Variants in LRWD1 observed in about 807,000 individuals in gnomAD.
LRWD1 encodes leucine-rich repeat and WD repeat-containing protein 1.
Under a neutral mutation model 75.6 loss-of-function variants are expected in LRWD1, and 76 were observed. The observed-to-expected ratio is 1.01, with a 90% confidence interval of 0.84 to 1.22. The LOEUF (loss-of-function observed/expected upper bound fraction) is 1.22, where lower values mean the gene tolerates loss of function less well. LRWD1 is among the 50% of genes most tolerant of loss of function. The pLI, the probability that LRWD1 is intolerant of heterozygous loss-of-function variation, is 0.00. For missense variants in LRWD1, 917 were observed against 862.0 expected (o/e 1.06, Z -0.80); for synonymous variants, 487 against 377.0 (o/e 1.29, Z -3.38).
In LRWD1 at chr7:102,467,746, GC is replaced by G. The variant is rs1193438251; in HGVS notation, c.603del (p.Ala202ProfsTer31). On this transcript the variant is annotated frameshift_variant, in exon 5 of 15. Transcript: ENST00000292616. LOFTEE classifies it high-confidence loss of function. ...GCGGATGATCTCTGAGGAGCTGGTG[GC>G]CGCCAGTAGGACCCAGGTGCAAAAG... is the stretch of plus-strand genomic sequence containing the variant. ...RVRMISEELV[A>X]ASRTQVQKAN... The G allele has an allele frequency of 6.4e-7, 1 of 1,551,768 alleles. No homozygotes were observed. Among genetic ancestry groups the G allele is most frequent in the Non-Finnish European group, 8.7e-7 (1 of 1,147,168 alleles).
At chr7:102,467,070 G>GGTGTGTGTGTGTGTGTGTGTGTGT (rs59522694) in intron 3 of LRWD1, among the ~76,000 whole-genome samples, 3 of 133,504 alleles carry the variant, frequency 2.2e-5, no homozygotes, top group African/African-American at 8.6e-5. Flanking sequence ...GGTTGTTGCT[G>GGTGTGTGTGTGTGTGTGTGTGTGT]GTGTGTGTGT....
chr7:102,469,530 G>C, intron 9 of LRWD1, 44 bp from the exon 10 acceptor site: 1 of 1,607,670 alleles, frequency 6.2e-7, no homozygotes, highest in African/African-American at 1.3e-5. Context: ...GAGGGAGCAG[G>C]GTCATCTCAG....
chr7:102,467,506 A>G (rs779961407), intron 4 of LRWD1, 27 bp downstream of exon 4: 74 of 1,608,266 alleles, frequency 4.6e-5, no homozygotes, highest in Non-Finnish European at 6.1e-5. Context: ...ATGTGCAGGG[A>G]GTCACTGGCT....
In LRWD1 at chr7:102,469,809, G is replaced by T; in HGVS notation, c.1369G>T (p.Ala457Ser). 1 of 1,607,482 alleles carries T rather than the reference G, an allele frequency of 6.2e-7. No homozygotes were observed. The highest frequency in any genetic ancestry group is 8.5e-7 in the Non-Finnish European group (1 of 1,177,134). ...CTGCCCTGTCGCCTCCTGCCCGGAC[G>T]CCCGCCTGCTGGCCGGCTGCGAGGG... is the stretch of plus-strand genomic sequence containing the variant. ...RLCPVASCPD[A>S]RLLAGCEGGC... The change falls in exon 11 of 15, where the codon GCC (alanine) becomes TCC (serine). Residue 457 changes from alanine to serine, a missense_variant. Coordinates refer to ENST00000292616, the MANE Select transcript of LRWD1 (RefSeq NM_152892.3).
rs1479404278 is a variant in LRWD1 at position 102,472,678 on chromosome 7, C to T, written c.1691-14C>T. The T allele has an allele frequency of 3.1e-6, 5 of 1,613,260 alleles. No individual in the cohort carries two copies. Among genetic ancestry groups the T allele is most frequent in the South Asian group, 2.2e-5 (2 of 91,090 alleles). The stretch of plus-strand genomic sequence containing the variant: ...AGCTCTGCCCCCACTCAGACTCCAC[C>T]TCTGTCCCGGCAGATAAGGGGATTG... On this transcript the variant is annotated splice_polypyrimidine_tract_variant and intron_variant, in intron 13 of 14. Coordinates refer to ENST00000292616, the MANE Select transcript of LRWD1 (RefSeq NM_152892.3).
At chr7:102,469,486 G>A in intron 9 of LRWD1, 88 bp from the exon 10 acceptor site, 1 of 1,500,680 alleles carries the variant, frequency 6.7e-7, no homozygotes, top group Non-Finnish European at 9.2e-7. Flanking sequence ...GCTGGCCTTG[G>A]GACCGTGGGC....
chr7:102,472,349 C>A (rs959271179), intron 12 of LRWD1, 40 bp downstream of exon 12: 2 of 1,553,466 alleles, frequency 1.3e-6, no homozygotes, highest in African/African-American at 2.7e-5. Context: ...GGCCTCCGGG[C>A]ACACAGATGG....
Position 102,472,217 on chromosome 7 carries a change from G to C in LRWD1, c.1443-1G>C. On this transcript the variant is annotated splice_acceptor_variant, in intron 11 of 14. Coordinates refer to ENST00000292616, the MANE Select transcript of LRWD1 (RefSeq NM_152892.3). LOFTEE classifies it high-confidence loss of function. ...AACTAGCATCTCGTGCTGCCCCACA[G>C]GGTGTGTGAAGTGGAATTCGTCTTC... 1 of 1,588,872 alleles carries C rather than the reference G, an allele frequency of 6.3e-7. No homozygotes were observed. The highest frequency in any genetic ancestry group is 8.6e-7 in the Non-Finnish European group (1 of 1,165,810).
intron 11 of LRWD1, chr7:102,471,834 A>AT (rs1319081240): frequency 4.6e-6 from 1 of 218,914 alleles, no homozygotes; most frequent in Admixed American, 5.3e-5. Context: ...GTCAGAGCAG[A>AT]TGCCCCCAAC....
chr7:102,469,448 C>T, intron 9 of LRWD1, 126 bp from the exon 10 acceptor site: 2 of 1,084,346 alleles, frequency 1.8e-6, no homozygotes, highest in Admixed American at 2.1e-5. Flanking sequence ...GTCTCCTAGC[C>T]TCGGCCCGCC....
At chr7:102,470,027 C>T in intron 11 of LRWD1, 145 bp downstream of exon 11, 6 of 1,046,768 alleles carry the variant, frequency 5.7e-6, no homozygotes, top group Non-Finnish European at 7.9e-6. Context: ...GCTTGTCCCA[C>T]CTTTCTGCCA....
chr7:102,468,038 A>G, intron 5 of LRWD1, 24 bp from the exon 6 acceptor site: 1 of 1,601,990 alleles, frequency 6.2e-7, no homozygotes, highest in Non-Finnish European at 8.5e-7. Context: ...AGACAGGCCC[A>G]TGGTCACAAG....
rs746146294 is a variant in LRWD1 at position 102,469,629 on chromosome 7, C to G, written c.1284C>G (p.Asp428Glu). 130 of 1,614,094 alleles carry G rather than the reference C, an allele frequency of 8.1e-5. No homozygotes were observed. Among genetic ancestry groups the G allele is most frequent in the Non-Finnish European group, 1.1e-4 (126 of 1,180,022 alleles). The change falls in exon 10 of 15, where the codon GAC becomes GAG. Residue 428 changes from aspartate to glutamate, a missense_variant. Physicochemically the swap from Asp to Glu is conservative, Grantham distance 45. Coordinates refer to ENST00000292616, the MANE Select transcript of LRWD1 (RefSeq NM_152892.3). The stretch of plus-strand genomic sequence containing the variant: ...GGGACATCGGGGTGCCCAACCAGGA[C>G]TACGAATTCCAGGCCAGGTGATGCT... ...ILWDIGVPNQDYEFQASQLLT... is the reference protein window; with the variant it reads ...ILWDIGVPNQEYEFQASQLLT...
Position 102,469,808 on chromosome 7 carries a change from CGCCCGCCTGCT to C in LRWD1, c.1370_1380del (p.Ala457GlyfsTer24). 3 of 1,607,722 alleles carry C rather than the reference CGCCCGCCTGCT, an allele frequency of 1.9e-6. No individual in the cohort carries two copies. The highest frequency in any genetic ancestry group is 2.5e-6 in the Non-Finnish European group (3 of 1,177,232). On this transcript the variant is annotated frameshift_variant, in exon 11 of 15. Transcript: ENST00000292616. LOFTEE classifies it high-confidence loss of function. The stretch of plus-strand genomic sequence containing the variant: ...TCTGCCCTGTCGCCTCCTGCCCGGA[CGCCCGCCTGCT>C]GGCCGGCTGCGAGGGCGGCTGCTGC...
intron 3 of LRWD1, among the ~76,000 whole-genome samples, chr7:102,466,836 A>G (rs1305665612): frequency 8.0e-6 from 1 of 124,922 alleles, no homozygotes; most frequent in Non-Finnish European, 1.5e-5. Flanking sequence ...GTTGAAGTGC[A>G]GTGGTGTGAT....
rs1798259855 is a variant in LRWD1 at position 102,472,922 on chromosome 7, C to T, written c.1817C>T (p.Pro606Leu). The change falls in exon 15 of 15, where the codon CCC (proline) becomes CTC (leucine). Residue 606 changes from proline to leucine, a missense_variant. Physicochemically the swap from Pro to Leu is moderately conservative, Grantham distance 98. Transcript: ENST00000292616. ...TCTCCCCACCAGATCCTGAAGTGGC[C>T]CCAGCCCTGGGCCCTTGGCCAGGTG... ...LQAPTQILKWPQPWALGQVVT... is the reference protein window; with the variant it reads ...LQAPTQILKWLQPWALGQVVT... 1 of 1,613,972 alleles carries T rather than the reference C, an allele frequency of 6.2e-7. No individual in the cohort carries two copies. Among genetic ancestry groups the T allele is most frequent in the Non-Finnish European group, 8.5e-7 (1 of 1,179,954 alleles).
At position 102,466,293 on chromosome 7, in the gene LRWD1, G is replaced by A. The variant is rs770791287; in HGVS notation, c.432+23G>A. The A allele has an allele frequency of 2.6e-5, 41 of 1,578,056 alleles. No homozygotes were observed. The Admixed American group carries it at 6.7e-4, about 26-fold the overall frequency. On this transcript the variant is annotated intron_variant, in intron 3 of 14. Transcript: ENST00000292616. Reference sequence around the variant, plus strand: ...AGGGTAAGGGGATGAGAGGATTATTGTGTGCTTAGGAGCTGTGGGGGCATT... The same window carrying A: ...AGGGTAAGGGGATGAGAGGATTATTATGTGCTTAGGAGCTGTGGGGGCATT...
chr7:102,472,153 C>G (rs1476723527), intron 11 of LRWD1, 65 bp from the exon 12 acceptor site: 1 of 1,458,206 alleles, frequency 6.9e-7, no homozygotes, highest in Non-Finnish European at 9.4e-7. Context: ...CTGCAGATGC[C>G]TGGGTGAGTG....
rs376398065 is a variant in LRWD1 at position 102,467,333 on chromosome 7, C to T, written c.433-6C>T. 2.5e-6 allele frequency: 4 copies of T among 1,599,744 alleles called. No individual in the cohort carries two copies. Among genetic ancestry groups the T allele is most frequent in the Non-Finnish European group, 2.6e-6 (3 of 1,173,582 alleles). On this transcript the variant is annotated splice_polypyrimidine_tract_variant and splice_region_variant and intron_variant, in intron 3 of 14. Coordinates refer to ENST00000292616, the MANE Select transcript of LRWD1 (RefSeq NM_152892.3). ...CCGGGCCTGGATCTGGTCCCTCTTG[C>T]ACCAGGTCACAGCTCACTGGGAGAA...
Sources: allele counts gnomAD v4.1 joint callset (sites outside exome capture counted in the v4.1 genomes callset), GRCh38; gene constraint gnomAD v4.1.1; transcripts MANE v1.5; gene names NCBI Gene and HGNC (gene_info 2026-07-23, HGNC 2026-07-21).